Variants in SHQ1 observed in about 807,000 individuals in gnomAD.
The protein encoded by SHQ1 is SHQ1, H/ACA ribonucleoprotein assembly factor.
In SHQ1, 49 loss-of-function variants were observed where a neutral mutation model predicts 53.8. The ratio of observed to expected loss-of-function variants is 0.91; its 90% CI spans 0.72 to 1.16. The LOEUF is 1.16. Ranked by LOEUF, SHQ1 falls within the 50% of genes most tolerant of loss-of-function variation. SHQ1 has a pLI of 0.00. For synonymous variants in SHQ1, 243 were observed against 251.0 expected (o/e 0.97, Z 0.30); for missense variants, 738 against 683.1 (o/e 1.08, Z -0.90).
At position 72,785,480 on chromosome 3, in the gene SHQ1, G is replaced by C. The variant is rs1354552935; in HGVS notation, c.1181+7436C>G. 2.6e-5 allele frequency among the ~76,000 whole-genome samples: 4 copies of C among 152,170 alleles called. No homozygotes were observed. In the South Asian group the frequency reaches 8.3e-4, roughly 32 times the overall value. On this transcript the variant is annotated intron_variant, in intron 10 of 10. Transcript: ENST00000325599. ...ACCTCTTAAAAAACAAAAAGAATTAGTTAAGAATACTGGCAGGCTCCGGCA... is the reference window on the plus strand; with the variant it reads ...ACCTCTTAAAAAACAAAAAGAATTACTTAAGAATACTGGCAGGCTCCGGCA...
At chr3:72,841,386 T>G (rs551839348) in intron 3 of SHQ1, among the ~76,000 whole-genome samples, 187 bp from the exon 4 acceptor site, 21 of 151,512 alleles carry the variant, frequency 1.4e-4, no homozygotes, top group Admixed American at 1.3e-3. Context: ...TGTGGTATGT[T>G]CATACAATGG....
chr3:72,765,530 C>CATATATATATATATATAT (rs10551107), intron 10 of SHQ1, among the ~76,000 whole-genome samples: 11 of 83,502 alleles, frequency 1.3e-4, no homozygotes, highest in African/African-American at 6.2e-4. Flanking sequence ...ATTCACATGA[C>CATATATATATATATATAT]ATATATATAT....
At chr3:72,839,638 C>T (rs1425234235) in intron 4 of SHQ1, among the ~76,000 whole-genome samples, 1 of 152,222 alleles carries the variant, frequency 6.6e-6, no homozygotes, top group African/African-American at 2.4e-5. Flanking sequence ...GGTCAAATAA[C>T]TGGCCTGGTA....
chr3:72,786,035 A>G (rs1333424797), intron 10 of SHQ1, among the ~76,000 whole-genome samples: 2 of 152,132 alleles, frequency 1.3e-5, no homozygotes, highest in African/African-American at 4.8e-5. Context: ...GCCACCTTTA[A>G]CAGCCCAGTT....
chr3:72,834,310 C>G (rs1468781294), intron 4 of SHQ1, among the ~76,000 whole-genome samples: 1 of 152,186 alleles, frequency 6.6e-6, no homozygotes, highest in African/African-American at 2.4e-5. Flanking sequence ...GGGCGGATCA[C>G]CTGAGGTCAG....
chr3:72,819,527 A>G (rs1707415844), intron 6 of SHQ1, among the ~76,000 whole-genome samples: 1 of 152,096 alleles, frequency 6.6e-6, no homozygotes, highest in Admixed American at 6.6e-5. Context: ...AGTCTCTTTA[A>G]GATTAAATTT....
chr3:72,760,192 A>G (rs1169234828), intron 10 of SHQ1, among the ~76,000 whole-genome samples: 1 of 152,206 alleles, frequency 6.6e-6, no homozygotes, highest in Non-Finnish European at 1.5e-5. Context: ...GTTGACTTGC[A>G]ATTTATTTGC....
the SHQ1 span, among the ~76,000 whole-genome samples, chr3:72,730,241 G>A: frequency 6.6e-6 from 1 of 151,942 alleles, no homozygotes; most frequent in African/African-American, 2.4e-5. Flanking sequence ...TCAGCCTCCC[G>A]AGTAGCTGGG....
At chr3:72,799,597 T>C (rs1015764546) in intron 9 of SHQ1, among the ~76,000 whole-genome samples, 3 of 152,160 alleles carry the variant, frequency 2.0e-5, no homozygotes, top group Non-Finnish European at 4.4e-5. Context: ...GTCTATGTGA[T>C]TTTTTTATCC....
At chr3:72,804,499 C>T (rs186493363) in intron 9 of SHQ1, among the ~76,000 whole-genome samples, 4 of 144,704 alleles carry the variant, frequency 2.8e-5, no homozygotes, top group East Asian at 4.6e-4. Context: ...TAAATACTTA[C>T]ATTTTGTACC....
intron 9 of SHQ1, among the ~76,000 whole-genome samples, chr3:72,810,908 A>G (rs1320603926): frequency 1.3e-5 from 2 of 152,200 alleles, no homozygotes; most frequent in Non-Finnish European, 2.9e-5. Flanking sequence ...TTTTTAGCAG[A>G]GGCCTCCAGT....
Position 72,750,286 on chromosome 3 carries a change from A to C in SHQ1, c.1732T>G (p.Ter578GlyextTer9), listed in dbSNP as rs753086493. The C allele has an allele frequency of 1.0e-5, 16 of 1,597,908 alleles. No homozygotes were observed. Among genetic ancestry groups the C allele is most frequent in the Non-Finnish European group, 1.4e-5 (16 of 1,172,006 alleles). Reference sequence around the variant, plus strand: ...CAATGAATAAAACCACCTAAGAGTCAATTATTTGGTGTCTGACAGCCGTCT... The same window carrying C: ...CAATGAATAAAACCACCTAAGAGTCCATTATTTGGTGTCTGACAGCCGTCT... ...ERDGCQTPNN[*>G] Residue 578 changes from the stop codon to glycine, a stop_lost, in exon 11 of 11, where the codon TGA becomes GGA. Coordinates refer to ENST00000325599, the MANE Select transcript of SHQ1 (RefSeq NM_018130.3).
intron 1 of SHQ1, chr3:72,846,196 G>C: frequency 6.5e-7 from 1 of 1,534,902 alleles, no homozygotes; most frequent in East Asian, 2.4e-5. Flanking sequence ...TTACTGCAGA[G>C]AAAATTATAT....
chr3:72,819,937 A>G (rs1046424254), intron 6 of SHQ1, among the ~76,000 whole-genome samples: 22 of 152,230 alleles, frequency 1.4e-4, no homozygotes, highest in African/African-American at 5.1e-4. Flanking sequence ...CCTTGTATTT[A>G]GCAAGAAGGT....
intron 6 of SHQ1, among the ~76,000 whole-genome samples, chr3:72,818,425 G>A (rs1421870583): frequency 1.3e-5 from 2 of 152,032 alleles, no homozygotes; most frequent in South Asian, 2.1e-4. Flanking sequence ...AGACTGTATT[G>A]ACTGGGTTAA....
At chr3:72,812,470 A>G (rs537028322) in intron 9 of SHQ1, among the ~76,000 whole-genome samples, 1 of 152,322 alleles carries the variant, frequency 6.6e-6, no homozygotes, top group East Asian at 1.9e-4. Context: ...CCTCTCGGAA[A>G]AGAGTCTTTA....
intron 10 of SHQ1, among the ~76,000 whole-genome samples, chr3:72,788,528 T>G (rs1463027632): frequency 6.6e-6 from 1 of 151,998 alleles, no homozygotes; most frequent in Non-Finnish European, 1.5e-5. Flanking sequence ...TGCCGCCCCG[T>G]CGGGGAAGTG....
At chr3:72,744,923 TGGG>T (rs371271667), downstream of SHQ1, among the ~76,000 whole-genome samples, 29 of 72,802 alleles carry the variant, frequency 4.0e-4, 1 homozygote, top group Admixed American at 1.2e-3. Context: ...TTTGATACAT[TGGG>T]GGGGGGGGGT....
At chr3:72,780,442 G>A (rs1013087278) in intron 10 of SHQ1, among the ~76,000 whole-genome samples, 6 of 152,144 alleles carry the variant, frequency 3.9e-5, no homozygotes, top group Non-Finnish European at 7.3e-5. Context: ...ATTTCTTCTA[G>A]TAAGAACTAA....
Sources: allele counts gnomAD v4.1 joint callset (sites outside exome capture counted in the v4.1 genomes callset), GRCh38; gene constraint gnomAD v4.1.1; transcripts MANE v1.5; gene names NCBI Gene and HGNC (gene_info 2026-07-23, HGNC 2026-07-21).